PDE7B: variants seen among roughly 807,000 people sequenced by gnomAD.
The protein encoded by PDE7B is phosphodiesterase 7B.
A neutral mutation model predicts 56.2 loss-of-function variants in PDE7B; 29 were observed. The ratio of observed to expected loss-of-function variants is 0.52; its 90% CI spans 0.38 to 0.70. The LOEUF is 0.70. Among genes scored for constraint, PDE7B ranks in the 30% least tolerant of loss-of-function variants. The pLI is 0.00. For synonymous variants in PDE7B, 197 were observed against 196.9 expected, an observed-to-expected ratio of 1.00 and a Z score of 0.00; for missense variants, 490 against 565.0, an observed-to-expected ratio of 0.87 and a Z score of 1.35.
At chr6:135,966,989 T>A (rs1046256625) in intron 2 of PDE7B, among the ~76,000 whole-genome samples, 1 of 152,160 alleles carries the variant, frequency 6.6e-6, no homozygotes, top group South Asian at 2.1e-4. Flanking sequence ...CAGCCCCCTC[T>A]GCTCTGCAAG....
intron 1 of PDE7B, among the ~76,000 whole-genome samples, chr6:135,934,862 TA>T (rs1193513436): frequency 1.9e-5 from 2 of 107,474 alleles, no homozygotes; most frequent in African/African-American, 4.1e-5. Flanking sequence ...TAAATATATA[TA>T]AAAATATATA....
intron 2 of PDE7B, among the ~76,000 whole-genome samples, chr6:135,977,821 G>T (rs547251852): frequency 6.6e-6 from 1 of 152,080 alleles, no homozygotes; most frequent in Non-Finnish European, 1.5e-5. Flanking sequence ...AAGCTATTAG[G>T]TGGGGGCAAA....
intron 2 of PDE7B, among the ~76,000 whole-genome samples, chr6:135,971,996 A>G (rs576967002): frequency 6.6e-6 from 1 of 152,136 alleles, no homozygotes; most frequent in African/African-American, 2.4e-5. Flanking sequence ...GCACTTTGGG[A>G]GGCAGAGGCA....
intron 2 of PDE7B, among the ~76,000 whole-genome samples, chr6:136,103,358 T>C (rs1777595505): frequency 1.3e-5 from 2 of 152,234 alleles, no homozygotes. Context: ...CCCATAAATC[T>C]ATGGAGTGAT....
At chr6:136,138,821 T>C (rs371115150) in intron 3 of PDE7B, among the ~76,000 whole-genome samples, 19 of 152,240 alleles carry the variant, frequency 1.2e-4, no homozygotes, top group African/African-American at 4.6e-4. Flanking sequence ...AAATAAAGAA[T>C]ACACATCATG....
intron 3 of PDE7B, among the ~76,000 whole-genome samples, chr6:136,142,859 G>A (rs1389748731): frequency 1.3e-5 from 2 of 150,572 alleles, no homozygotes; most frequent in Non-Finnish European, 3.0e-5. Flanking sequence ...GCACATGAAT[G>A]GGTTTCCTGA....
intron 2 of PDE7B, among the ~76,000 whole-genome samples, chr6:136,057,614 T>C (rs1776760401): frequency 6.6e-6 from 1 of 152,232 alleles, no homozygotes; most frequent in African/African-American, 2.4e-5. Context: ...GAAGTTTGTG[T>C]TCTGATTTTT....
intron 2 of PDE7B, among the ~76,000 whole-genome samples, chr6:136,083,104 G>T (rs753640038): frequency 7.9e-5 from 12 of 152,188 alleles, no homozygotes; most frequent in Non-Finnish European, 1.6e-4. Flanking sequence ...TGGCTTGGAG[G>T]ACAGTGTTAG....
chr6:136,126,822 G>A (rs1778030177), intron 3 of PDE7B, among the ~76,000 whole-genome samples: 1 of 152,150 alleles, frequency 6.6e-6, no homozygotes, highest in Admixed American at 6.5e-5. Flanking sequence ...AAGAGGTTGA[G>A]GGATAAAAGA....
chr6:136,186,323 G>A (rs180917951), intron 11 of PDE7B, among the ~76,000 whole-genome samples: 1 of 152,248 alleles, frequency 6.6e-6, no homozygotes, highest in East Asian at 1.9e-4. Flanking sequence ...AGCTACTTGG[G>A]AGGCTAAAGC....
intron 1 of PDE7B, among the ~76,000 whole-genome samples, chr6:135,885,488 G>A (rs1249068683): frequency 1.3e-5 from 2 of 152,122 alleles, no homozygotes; most frequent in East Asian, 3.8e-4. Flanking sequence ...GAAAACCAGT[G>A]CTGATCTCCA....
At chr6:135,995,350 A>G (rs1775546116) in intron 2 of PDE7B, among the ~76,000 whole-genome samples, 1 of 152,180 alleles carries the variant, frequency 6.6e-6, no homozygotes, top group South Asian at 2.1e-4. Flanking sequence ...TCTGAATCCC[A>G]CTATCTTGAA....
intron 2 of PDE7B, among the ~76,000 whole-genome samples, chr6:135,951,316 C>A (rs1318815648): frequency 6.6e-6 from 1 of 152,052 alleles, no homozygotes; most frequent in African/African-American, 2.4e-5. Flanking sequence ...TATAGCAACA[C>A]TTTTACCTTC....
At chr6:135,948,389 G>A (rs1412102485) in intron 2 of PDE7B, among the ~76,000 whole-genome samples, 1 of 151,780 alleles carries the variant, frequency 6.6e-6, no homozygotes, top group African/African-American at 2.4e-5. Flanking sequence ...ATATTAATAA[G>A]CAAAGAAAAA....
At chr6:136,017,984 T>C (rs192366846) in intron 2 of PDE7B, among the ~76,000 whole-genome samples, 1 of 152,296 alleles carries the variant, frequency 6.6e-6, no homozygotes, top group Admixed American at 6.5e-5. Context: ...ACTTACAACA[T>C]CAGTTCCATA....
At chr6:135,919,781 A>T (rs1774034541) in intron 1 of PDE7B, among the ~76,000 whole-genome samples, 1 of 152,228 alleles carries the variant, frequency 6.6e-6, no homozygotes. Flanking sequence ...TTAGGATAGT[A>T]TCTGATCCAC....
intron 11 of PDE7B, among the ~76,000 whole-genome samples, chr6:136,184,400 C>G (rs1028916622): frequency 6.6e-6 from 1 of 152,080 alleles, no homozygotes; most frequent in Non-Finnish European, 1.5e-5. Context: ...GTGCATTGTT[C>G]TATACTTTCC....
At chr6:136,031,977 C>A in intron 2 of PDE7B, among the ~76,000 whole-genome samples, 1 of 152,134 alleles carries the variant, frequency 6.6e-6, no homozygotes, top group East Asian at 1.9e-4. Flanking sequence ...TGAGAGCGTT[C>A]AAAATTTATG....
At chr6:135,992,421 A>T (rs1488035027) in intron 2 of PDE7B, among the ~76,000 whole-genome samples, 2 of 152,118 alleles carry the variant, frequency 1.3e-5, no homozygotes, top group Non-Finnish European at 2.9e-5. Context: ...GTTTCATTTC[A>T]GGTTTCAAAT....
Sources: allele counts gnomAD v4.1 joint callset (sites outside exome capture counted in the v4.1 genomes callset), GRCh38; gene constraint gnomAD v4.1.1; transcripts MANE v1.5; gene names NCBI Gene and HGNC (gene_info 2026-07-23, HGNC 2026-07-21).